ZNF804B: variants seen among roughly 807,000 people sequenced by gnomAD.
ZNF804B encodes zinc finger 804B.
ZNF804B carries 80 observed loss-of-function variants against 101.4 expected under a neutral mutation model. The ratio of observed to expected loss-of-function variants is 0.79; its 90% CI spans 0.66 to 0.95. ZNF804B has a LOEUF of 0.95. Ranked by LOEUF, ZNF804B falls within the 40% of genes least tolerant of loss-of-function variation. The pLI is 0.00. For missense variants in ZNF804B, 1,673 were observed against 1,561.9 expected, an observed-to-expected ratio of 1.07 and a Z score of -1.20; for synonymous variants, 622 against 558.8, an observed-to-expected ratio of 1.11 and a Z score of -1.59.
intron 1 of ZNF804B, among the ~76,000 whole-genome samples, chr7:89,215,625 T>G (rs1335771778): frequency 6.6e-6 from 1 of 152,010 alleles, no homozygotes; most frequent in Non-Finnish European, 1.5e-5. Context: ...GGCTCGCGCC[T>G]GTAATCCTAG....
At chr7:89,314,086 C>A (rs1286322856) in intron 2 of ZNF804B, among the ~76,000 whole-genome samples, 1 of 151,982 alleles carries the variant, frequency 6.6e-6, no homozygotes, top group Non-Finnish European at 1.5e-5. Flanking sequence ...AGTATTAATA[C>A]CCAACAGCAC....
intron 2 of ZNF804B, among the ~76,000 whole-genome samples, chr7:89,280,320 T>C (rs947958487): frequency 2.6e-5 from 4 of 151,506 alleles, no homozygotes; most frequent in Non-Finnish European, 4.4e-5. Flanking sequence ...AGATCCAAAA[T>C]TGACACTCTA....
At chr7:88,813,224 G>A (rs977163844) in intron 1 of ZNF804B, among the ~76,000 whole-genome samples, 1 of 151,776 alleles carries the variant, frequency 6.6e-6, no homozygotes, top group Non-Finnish European at 1.5e-5. Flanking sequence ...TCATGAGATC[G>A]AGACCATCCT....
chr7:89,333,796 G>C lies in ZNF804B; in HGVS notation c.814G>C (p.Asp272His), dbSNP rs1791025196. Residue 272 changes from aspartate to histidine, a missense_variant, in exon 4 of 4, where the codon GAT (aspartate) becomes CAT (histidine). Asp to His is a moderately conservative substitution (Grantham distance 81). Coordinates refer to ENST00000333190, the MANE Select transcript of ZNF804B (RefSeq NM_181646.5). ...KCKCCRFANK[D>H]THLTKEKEVN... Reference sequence around the variant, plus strand: ...CAAGTGCTGCAGGTTTGCAAATAAAGATACACACCTTACCAAGGAAAAAGA... The same window carrying C: ...CAAGTGCTGCAGGTTTGCAAATAAACATACACACCTTACCAAGGAAAAAGA... 1 of 1,612,682 alleles carries C rather than the reference G, an allele frequency of 6.2e-7. No individual in the cohort carries two copies. The highest frequency in any genetic ancestry group is 8.5e-7 in the Non-Finnish European group (1 of 1,179,416).
chr7:88,795,901 T>G (rs1790474902), intron 1 of ZNF804B, among the ~76,000 whole-genome samples: 1 of 152,166 alleles, frequency 6.6e-6, no homozygotes, highest in Non-Finnish European at 1.5e-5. Flanking sequence ...TTATTTTTAG[T>G]CAGGTGCATT....
At chr7:89,275,609 A>G (rs1007247093) in intron 2 of ZNF804B, among the ~76,000 whole-genome samples, 12 of 151,886 alleles carry the variant, frequency 7.9e-5, no homozygotes, top group African/African-American at 2.7e-4. Context: ...TCCCCTCTCT[A>G]TTTCAGATCT....
chr7:89,118,083 G>A (rs1334725527), intron 1 of ZNF804B, among the ~76,000 whole-genome samples: 1 of 152,106 alleles, frequency 6.6e-6, no homozygotes. Context: ...AGACCAGAAA[G>A]AAACTGGATG....
In ZNF804B at chr7:88,957,642, A is replaced by G. The variant is rs1457031394; in HGVS notation, c.108+197558A>G. On this transcript the variant is annotated intron_variant, in intron 1 of 3. Transcript: ENST00000333190. ...TGAAAAATTTTATATTATTCTCACA[A>G]TTGAGGAATTTGACTTTTAGGTGGA... Among the ~76,000 whole-genome samples the G allele has an allele frequency of 4.0e-5, 6 of 151,446 alleles. No individual in the cohort carries two copies. In the South Asian group the frequency reaches 6.2e-4, roughly 16 times the overall value.
At chr7:88,876,144 C>G (rs965188043) in intron 1 of ZNF804B, among the ~76,000 whole-genome samples, 2 of 152,134 alleles carry the variant, frequency 1.3e-5, no homozygotes, top group Non-Finnish European at 2.9e-5. Context: ...CCCCTCTTTA[C>G]TTTCTCTCAA....
At chr7:89,205,301 T>G (rs1483234892) in intron 1 of ZNF804B, among the ~76,000 whole-genome samples, 1 of 152,128 alleles carries the variant, frequency 6.6e-6, no homozygotes, top group Admixed American at 6.5e-5. Flanking sequence ...TCTCATGTCC[T>G]CACATTTCAA....
intron 1 of ZNF804B, among the ~76,000 whole-genome samples, chr7:89,211,220 T>C (rs186291849): frequency 2.6e-5 from 4 of 151,022 alleles, no homozygotes; most frequent in African/African-American, 9.9e-5. Context: ...TTCGTTTAAG[T>C]TATTTGTAGA....
chr7:88,828,975 G>C (rs1230045127), intron 1 of ZNF804B, among the ~76,000 whole-genome samples: 4 of 152,118 alleles, frequency 2.6e-5, no homozygotes, highest in Non-Finnish European at 5.9e-5. Context: ...TGTTTACCCA[G>C]CTACTGAACT....
At chr7:89,112,105 CAA>C (rs3060290) in intron 1 of ZNF804B, among the ~76,000 whole-genome samples, 14 of 118,750 alleles carry the variant, frequency 1.2e-4, no homozygotes, top group Admixed American at 1.8e-4. Context: ...GACTCTATCT[CAA>C]AAAAAAAAAA....
Position 89,298,548 on chromosome 7 carries a change from G to T in ZNF804B, c.250-28796G>T, listed in dbSNP as rs1307142394. ...TTTTTTAGTTCAGCATAATGACTAT[G>T]TGATAATACATCTGTGTCTTTGCAT... On this transcript the variant is annotated intron_variant, in intron 2 of 3. Transcript: ENST00000333190. Among the ~76,000 whole-genome samples the T allele has an allele frequency of 4.6e-5, 7 of 151,386 alleles. No homozygotes were observed. The Admixed American group carries it at 4.6e-4, about 10-fold the overall frequency.
intron 1 of ZNF804B, among the ~76,000 whole-genome samples, chr7:89,110,821 G>A (rs2116351686): frequency 6.6e-6 from 1 of 152,156 alleles, no homozygotes; most frequent in Admixed American, 6.5e-5. Flanking sequence ...TACAGTTACA[G>A]TATTGTACAG....
intron 1 of ZNF804B, among the ~76,000 whole-genome samples, chr7:88,768,159 A>G (rs922119420): frequency 5.9e-5 from 9 of 152,232 alleles, no homozygotes; most frequent in African/African-American, 2.2e-4. Context: ...ATCATTCAGG[A>G]CATTCCCACT....
At position 88,820,532 on chromosome 7, in the gene ZNF804B, C is replaced by T. The variant is rs76833636; in HGVS notation, c.108+60448C>T. ...CTCTGTCTGATCCTTTCCATGGGGA[C>T]TTGATCTGAATTCTGGGTGGCTTGC... is the stretch of plus-strand genomic sequence containing the variant. On this transcript the variant is annotated intron_variant, in intron 1 of 3. Transcript: ENST00000333190. Among the ~76,000 whole-genome samples, 1,431 of 152,208 alleles carry T rather than the reference C, an allele frequency of 9.4e-3. 23 individuals are homozygous for T. Among genetic ancestry groups the T allele is most frequent in the African/African-American group, 0.032 (1,347 of 41,522 alleles).
intron 1 of ZNF804B, among the ~76,000 whole-genome samples, chr7:89,196,723 C>G (rs1350975631): frequency 6.6e-6 from 1 of 151,698 alleles, no homozygotes; most frequent in East Asian, 1.9e-4. Context: ...TGCAATCTAT[C>G]CATCCAAAAA....
At chr7:88,856,388 C>A (rs1451387740) in intron 1 of ZNF804B, among the ~76,000 whole-genome samples, 2 of 152,142 alleles carry the variant, frequency 1.3e-5, no homozygotes, top group African/African-American at 4.8e-5. Flanking sequence ...GGAGTTCACT[C>A]ATGATTTGGC....
Sources: allele counts gnomAD v4.1 joint callset (sites outside exome capture counted in the v4.1 genomes callset), GRCh38; gene constraint gnomAD v4.1.1; transcripts MANE v1.5; gene names NCBI Gene and HGNC (gene_info 2026-07-23, HGNC 2026-07-21).